Variants in DMD observed in about 807,000 individuals in gnomAD.
DMD encodes the protein dystrophin.
DMD carries 63 observed loss-of-function variants against 330.1 expected under a neutral mutation model. The ratio of observed to expected loss-of-function variants is 0.19; its 90% CI spans 0.16 to 0.24. The LOEUF (loss-of-function observed/expected upper bound fraction) is 0.24. Among genes scored for constraint, DMD ranks in the 10% least tolerant of loss-of-function variants. DMD has a pLI of 1.00. For synonymous variants in DMD, 1,223 were observed against 959.8 expected (o/e 1.27, Z -5.07); for missense variants, 3,344 against 2,684.1 (o/e 1.25, Z -5.43).
intron 59 of DMD, among the ~76,000 whole-genome samples, chrX:31,473,926 G>A (rs1278431620): frequency 1.8e-5 from 2 of 111,421 alleles, no homozygotes; most frequent in Non-Finnish European, 1.9e-5. Flanking sequence ...TATTTGTCTA[G>A]TCAAATAAGC....
In DMD at chrX:32,505,323, C is replaced by T. The variant is rs747436647; in HGVS notation, c.2293-3481G>A. On this transcript the variant is annotated intron_variant, in intron 18 of 78. Coordinates refer to ENST00000357033, the MANE Select transcript of DMD (RefSeq NM_004006.3). ...ACAAAGAACTCTTAAAACTCAGTAA[C>T]AAAAACAAACAAACTAAAACATGGG... is the stretch of plus-strand genomic sequence containing the variant. Among the ~76,000 whole-genome samples, 4 of 112,177 alleles carry T rather than the reference C, an allele frequency of 3.6e-5. No individual in the cohort carries two copies. The South Asian group carries it at 1.5e-3, about 41-fold the overall frequency.
intron 71 of DMD, among the ~76,000 whole-genome samples, chrX:31,175,918 A>G (rs1297057924): frequency 9.0e-6 from 1 of 111,667 alleles, no homozygotes; most frequent in East Asian, 2.8e-4. Flanking sequence ...TTAAAGTAAT[A>G]TGACAAACAC....
At chrX:32,635,638 C>T (rs2059043872) in intron 11 of DMD, among the ~76,000 whole-genome samples, 1 of 112,091 alleles carries the variant, frequency 8.9e-6, no homozygotes, top group East Asian at 2.8e-4. Context: ...CATGTACAAA[C>T]ATATGCACAT....
chrX:32,041,864 A>G (rs1038067184), intron 44 of DMD, among the ~76,000 whole-genome samples: 1 of 107,557 alleles, frequency 9.3e-6, no homozygotes, highest in Non-Finnish European at 1.9e-5. Flanking sequence ...AAGGAAGAAC[A>G]GGGCTCCAAG....
intron 7 of DMD, among the ~76,000 whole-genome samples, chrX:32,777,277 T>TGGGGGGGG (rs546914107): frequency 9.5e-4 from 2 of 2,107 alleles, no homozygotes; most frequent in Non-Finnish European, 1.4e-3. Flanking sequence ...GGTTTCTGGT[T>TGGGGGGGG]GGGGGGGGAA....
chrX:31,787,997 C>T (rs930497545), intron 50 of DMD, among the ~76,000 whole-genome samples: 1 of 112,004 alleles, frequency 8.9e-6, no homozygotes, highest in African/African-American at 3.2e-5. Flanking sequence ...ATCTCAAATT[C>T]TTTTTGAACG....
At chrX:31,177,029 T>C (rs2040581595) in intron 71 of DMD, among the ~76,000 whole-genome samples, 1 of 111,599 alleles carries the variant, frequency 9.0e-6, no homozygotes, top group Non-Finnish European at 1.9e-5. Context: ...AATTGGTCAT[T>C]TCCCCTTTAT....
At chrX:32,762,258 T>C (rs1156694026) in intron 7 of DMD, among the ~76,000 whole-genome samples, 1 of 110,383 alleles carries the variant, frequency 9.1e-6, no homozygotes, top group Non-Finnish European at 1.9e-5. Context: ...TCAGGAGAAA[T>C]GAAACTCTAT....
chrX:32,772,297 A>G (rs1360135117), intron 7 of DMD, among the ~76,000 whole-genome samples: 4 of 112,687 alleles, frequency 3.5e-5, no homozygotes, highest in Non-Finnish European at 7.5e-5. Flanking sequence ...TGGCCCAACT[A>G]CTAATATAAG....
rs56684330 is a variant in DMD, at chrX:33,334,209, A to T, written c.7+5050T>A. 8.3e-3 allele frequency among the ~76,000 whole-genome samples: 923 copies of T among 111,718 alleles called. 10 individuals carry two copies. Among genetic ancestry groups the T allele is most frequent in the African/African-American group, 0.029 (881 of 30,881 alleles). On this transcript the variant is annotated intron_variant, in intron 1 of 17. Coordinates refer to the DMD transcript ENST00000288447. ...AAACATTAAATAAACATTCCTCAAC[A>T]AGTAAATTATCTCAATAGACTAACA...
chrX:31,898,684 A>T (rs770821806), intron 47 of DMD, among the ~76,000 whole-genome samples: 1 of 112,172 alleles, frequency 8.9e-6, no homozygotes, highest in African/African-American at 3.2e-5. Context: ...TAACCTAGGC[A>T]TTACAATTTC....
chrX:31,120,251 C>T lies in DMD; in HGVS notation c.*1668G>A, dbSNP rs2147543550. On this transcript the variant is annotated 3_prime_UTR_variant, in exon 79 of 79. Coordinates refer to ENST00000357033, the MANE Select transcript of DMD (RefSeq NM_004006.3). ...CCTTAGCTTTTCCTCTTGAGCTTTT[C>T]TCCTCTTTTTTGAGCAATTTTTGTT... The T allele has an allele frequency of 8.9e-6, 1 of 112,202 alleles. No homozygotes were observed. The highest frequency in any genetic ancestry group is 3.2e-5 in the African/African-American group (1 of 30,860). The allele number at this position is 112,202 out of a possible 1,213,427, so 9.2% of individuals were successfully genotyped here. A position where few individuals can be genotyped will look rare whatever the true frequency, so the allele number is the denominator to read the frequency against.
rs750746212 is a variant in DMD at position 33,207,332 on chromosome X, T to C, written c.31+3950A>G. Among the ~76,000 whole-genome samples, 4 of 111,296 alleles carry C rather than the reference T, an allele frequency of 3.6e-5. No individual in the cohort carries two copies. The South Asian group carries it at 1.1e-3, about 32-fold the overall frequency. The stretch of plus-strand genomic sequence containing the variant: ...TAAGAAGGCACATTGAATGCTATAA[T>C]ATGCTGTAATATATGAGGGAAACAG... On this transcript the variant is annotated intron_variant, in intron 1 of 78. Coordinates refer to ENST00000357033, the MANE Select transcript of DMD (RefSeq NM_004006.3).
chrX:33,062,900 T>G lies in DMD; in HGVS notation c.32-42700A>C, dbSNP rs142642948. 8.4e-3 allele frequency among the ~76,000 whole-genome samples: 941 copies of G among 112,234 alleles called. 6 individuals are homozygous for G. The highest frequency in any genetic ancestry group is 0.029 in the African/African-American group (910 of 30,932). On this transcript the variant is annotated intron_variant, in intron 1 of 78. Coordinates refer to ENST00000357033, the MANE Select transcript of DMD (RefSeq NM_004006.3). ...CAATCATCAATAAACATATGACATA[T>G]CTCTACTAACAAGCAGATTGGAAAT... is the stretch of plus-strand genomic sequence containing the variant.
intron 64 of DMD, among the ~76,000 whole-genome samples, chrX:31,213,653 G>C (rs1017400314): frequency 1.8e-5 from 2 of 111,662 alleles, no homozygotes; most frequent in African/African-American, 6.5e-5. Flanking sequence ...AATGTTGTGG[G>C]TATATTGCAT....
intron 47 of DMD, among the ~76,000 whole-genome samples, chrX:31,877,668 TG>T (rs1398512558): frequency 6.9e-3 from 30 of 4,368 alleles, no homozygotes; most frequent in East Asian, 0.022. Flanking sequence ...GCTGAACTCT[TG>T]TGTGTGTGTG....
chrX:31,495,511 G>C (rs1265844272), intron 57 of DMD, among the ~76,000 whole-genome samples: 1 of 111,690 alleles, frequency 9.0e-6, no homozygotes, highest in Non-Finnish European at 1.9e-5. Flanking sequence ...TCAGAGCTTA[G>C]TAGAGAAGAT....
At chrX:32,150,504 G>A (rs1240094485) in intron 44 of DMD, among the ~76,000 whole-genome samples, 1 of 111,661 alleles carries the variant, frequency 9.0e-6, no homozygotes, top group African/African-American at 3.3e-5. Context: ...ACCTGCCACC[G>A]TCTGTGGAGG....
intron 5 of DMD, among the ~76,000 whole-genome samples, chrX:32,821,722 T>C (rs1441110372): frequency 9.0e-6 from 1 of 111,712 alleles, no homozygotes; most frequent in Non-Finnish European, 1.9e-5. Flanking sequence ...CAAAAGAACA[T>C]GTATTATATT....
Sources: allele counts gnomAD v4.1 joint callset (sites outside exome capture counted in the v4.1 genomes callset), GRCh38; gene constraint gnomAD v4.1.1; transcripts MANE v1.5; gene names NCBI Gene and HGNC (gene_info 2026-07-23, HGNC 2026-07-21).